The following CSGALNACT1 variants were observed in gnomAD, a reference collection of about 807,000 sequenced individuals.
CSGALNACT1 encodes the protein beta4GalNAcT-1.
Under a neutral mutation model 51.0 loss-of-function variants are expected in CSGALNACT1, and 52 were observed. The ratio of observed to expected loss-of-function variants is 1.02; its 90% CI spans 0.82 to 1.29. CSGALNACT1 has a LOEUF of 1.29. Ranked by LOEUF, CSGALNACT1 falls within the 50% of genes most tolerant of loss-of-function variation. The pLI, the probability that CSGALNACT1 is intolerant of heterozygous loss-of-function variation, is 0.00. For synonymous variants in CSGALNACT1, 341 were observed against 254.4 expected (o/e 1.34, Z -3.24); for missense variants, 935 against 679.2 (o/e 1.38, Z -4.19).
intron 1 of CSGALNACT1, among the ~76,000 whole-genome samples, chr8:19,720,898 C>A (rs1335965420): frequency 6.6e-6 from 1 of 152,192 alleles, no homozygotes; most frequent in Non-Finnish European, 1.5e-5. Flanking sequence ...AGGGGGCCTG[C>A]TGAAGTGGTA....
In CSGALNACT1 at chr8:19,463,635, T is replaced by G. The variant is rs147866609; in HGVS notation, c.635-4993A>C. ...CACAAACATCTTCCTTGTCATCTTGTGCAGAACAGCATCATTTCGTGCACT... is the reference window on the plus strand; with the variant it reads ...CACAAACATCTTCCTTGTCATCTTGGGCAGAACAGCATCATTTCGTGCACT... On this transcript the variant is annotated intron_variant, in intron 4 of 9. Coordinates refer to ENST00000454498, the Ensembl canonical transcript of CSGALNACT1. Among the ~76,000 whole-genome samples the G allele has an allele frequency of 9.2e-5, 14 of 152,350 alleles. No homozygotes were observed. The East Asian group carries it at 2.5e-3, about 27-fold the overall frequency.
chr8:19,590,401 G>C (rs1397459015), intron 3 of CSGALNACT1, among the ~76,000 whole-genome samples: 1 of 152,104 alleles, frequency 6.6e-6, no homozygotes, highest in Non-Finnish European at 1.5e-5. Flanking sequence ...TCTTATCTTT[G>C]CACAACTGCC....
intron 3 of CSGALNACT1, among the ~76,000 whole-genome samples, chr8:19,582,527 G>C (rs1224135610): frequency 6.6e-6 from 1 of 152,132 alleles, no homozygotes; most frequent in Non-Finnish European, 1.5e-5. Context: ...TGATACACAT[G>C]ACTAAGAGCT....
chr8:19,551,213 T>A (rs1349617081), intron 3 of CSGALNACT1, among the ~76,000 whole-genome samples: 1 of 152,242 alleles, frequency 6.6e-6, no homozygotes, highest in East Asian at 1.9e-4. Context: ...TGACACCAGC[T>A]GGAACCAACA....
chr8:19,473,706 T>C (rs2068744436), intron 4 of CSGALNACT1, among the ~76,000 whole-genome samples: 1 of 152,222 alleles, frequency 6.6e-6, no homozygotes, highest in South Asian at 2.1e-4. Context: ...ATTGGTTTTG[T>C]TGGAATGACT....
At chr8:19,615,401 C>T (rs908727425) in intron 1 of CSGALNACT1, among the ~76,000 whole-genome samples, 7 of 152,240 alleles carry the variant, frequency 4.6e-5, no homozygotes, top group Non-Finnish European at 8.8e-5. Context: ...ATGCTCGTGA[C>T]TTCTTTTGAA....
chr8:19,547,460 G>A (rs1285999613), intron 3 of CSGALNACT1, among the ~76,000 whole-genome samples: 1 of 151,750 alleles, frequency 6.6e-6, no homozygotes, highest in Non-Finnish European at 1.5e-5. Flanking sequence ...TCCCCATACT[G>A]TTCTCATGGT....
intron 1 of CSGALNACT1, among the ~76,000 whole-genome samples, chr8:19,630,415 T>A (rs2055086145): frequency 1.3e-5 from 2 of 152,070 alleles, no homozygotes; most frequent in Admixed American, 1.3e-4. Context: ...ACCACCCCCA[T>A]CAGTTTCCCC....
exon 8 of CSGALNACT1, chr8:19,418,701 T>G (rs1244587751): frequency 6.2e-7 from 1 of 1,613,768 alleles, no homozygotes; most frequent in African/African-American, 1.3e-5. Flanking sequence ...GGCCGTATAT[T>G]ATGCCAGGAT....
At chr8:19,666,809 A>AAGAAAGAAAGAGAGAG (rs1564383214) in intron 1 of CSGALNACT1, among the ~76,000 whole-genome samples, 15 of 25,106 alleles carry the variant, frequency 6.0e-4, no homozygotes, top group South Asian at 2.9e-3. Context: ...GAAAGAAAGA[A>AAGAAAGAAAGAGAGAG]AGAGAGAGAG....
intron 6 of CSGALNACT1, among the ~76,000 whole-genome samples, chr8:19,426,888 C>A (rs1271631039): frequency 6.6e-6 from 1 of 152,206 alleles, no homozygotes; most frequent in Non-Finnish European, 1.5e-5. Context: ...AGGATAGTCT[C>A]TTCATGTAAC....
intron 1 of CSGALNACT1, among the ~76,000 whole-genome samples, chr8:19,731,891 G>A (rs924965956): frequency 1.3e-5 from 2 of 152,086 alleles, no homozygotes; most frequent in Non-Finnish European, 2.9e-5. Flanking sequence ...TTAAAATATT[G>A]AGTCAAATAA....
intron 5 of CSGALNACT1, among the ~76,000 whole-genome samples, chr8:19,446,522 T>C (rs1161052288): frequency 1.3e-5 from 2 of 152,074 alleles, no homozygotes; most frequent in African/African-American, 2.4e-5. Context: ...CATTCATTCA[T>C]TCACTCATTC....
At chr8:19,686,919 C>G (rs565853231), upstream of CSGALNACT1, among the ~76,000 whole-genome samples, 3 of 152,194 alleles carry the variant, frequency 2.0e-5, no homozygotes, top group African/African-American at 4.8e-5. Flanking sequence ...CCATGGCCAA[C>G]AGTTTAACGT....
intron 1 of CSGALNACT1, among the ~76,000 whole-genome samples, chr8:19,663,687 A>G (rs2154192272): frequency 6.6e-6 from 1 of 152,216 alleles, no homozygotes; most frequent in East Asian, 1.9e-4. Flanking sequence ...TACATACAAC[A>G]TACTTAAAGA....
intron 3 of CSGALNACT1, among the ~76,000 whole-genome samples, chr8:19,589,589 C>T (rs573048343): frequency 6.6e-6 from 1 of 152,128 alleles, no homozygotes; most frequent in Non-Finnish European, 1.5e-5. Context: ...CCTTGGCCTC[C>T]AAAAGTGCTG....
At chr8:19,570,874 T>C (rs2042883966) in intron 3 of CSGALNACT1, among the ~76,000 whole-genome samples, 1 of 152,266 alleles carries the variant, frequency 6.6e-6, no homozygotes, top group Admixed American at 6.5e-5. Context: ...CGCTATTGCA[T>C]AGCAGCCAGC....
At chr8:19,520,394 G>C (rs2080416714) in intron 3 of CSGALNACT1, among the ~76,000 whole-genome samples, 1 of 152,210 alleles carries the variant, frequency 6.6e-6, no homozygotes, top group South Asian at 2.1e-4. Context: ...TAATATTGCA[G>C]ACAATATTTT....
chr8:19,658,896 T>C (rs1564366911), intron 1 of CSGALNACT1, among the ~76,000 whole-genome samples: 1 of 152,180 alleles, frequency 6.6e-6, no homozygotes, highest in African/African-American at 2.4e-5. Context: ...ATCTGGTAAA[T>C]CTTTCTAAGT....
Sources: gnomAD v4.1 joint callset for allele counts (sites outside exome capture counted in the v4.1 genomes callset) on GRCh38, gnomAD v4.1.1 for gene constraint, MANE v1.5 for transcripts, NCBI Gene and HGNC (gene_info 2026-07-23, HGNC 2026-07-21) for gene names.